RTL8B: variants seen among roughly 807,000 people sequenced by gnomAD.
RTL8B encodes the protein retrotransposon Gag-like protein 8B.
Under a neutral mutation model 4.4 loss-of-function variants are expected in RTL8B, and 5 were observed. The ratio of observed to expected loss-of-function variants is 1.13; its 90% CI spans 0.59 to 2.37. The LOEUF is 2.37. RTL8B is among the 30% of genes most tolerant of loss of function. The pLI is 0.01. For synonymous variants in RTL8B, 31 were observed against 44.2 expected (o/e 0.70, Z 1.19); for missense variants, 82 against 99.2 (o/e 0.83, Z 0.74).
chrX:135,021,764 G>T lies in RTL8B; in HGVS notation c.*354C>A. ...GTCTGGAAGTCTGGTGAGGAGGAGG[G>T]GGGTTGGCAGCGGCGGCTGTCAGTG... On this transcript the variant is annotated 3_prime_UTR_variant, in exon 1 of 1. Transcript: ENST00000391440. The T allele has an allele frequency of 9.5e-7, 1 of 1,057,459 alleles. No homozygotes were observed. Among genetic ancestry groups the T allele is most frequent in the South Asian group, 2.0e-5 (1 of 51,144 alleles). 87.1% of individuals were successfully genotyped at this position (1,057,459 alleles called of 1,213,427 possible).
In RTL8B at chrX:135,022,290, G is replaced by T. The variant is rs1326984817; in HGVS notation, c.170C>A (p.Thr57Lys). 8.3e-7 allele frequency: 1 copy of T among 1,210,641 alleles called. No individual in the cohort carries two copies. Among genetic ancestry groups the T allele is most frequent in the Admixed American group, 2.2e-5 (1 of 45,996 alleles). Residue 57 changes from threonine (T) to lysine (K), a missense_variant, in exon 1 of 1, where the codon ACG becomes AAG. By Grantham distance (78) the Thr-to-Lys change is moderately conservative (BLOSUM62 -1). Coordinates refer to ENST00000391440, the MANE Select transcript of RTL8B (RefSeq NM_001078173.2). ...CACCTTCAGGGCGTCGTTGGAGAAC[G>T]TGTTCTCGTCCACGAACATGTAGGA... ...TSSYMFVDEN[T>K]FSNDALKVTF...
rs2083263851 is a variant in RTL8B, at chrX:135,020,532, T to C, written c.*1586A>G. ...ACCAAATACAATGGTATTAAAGCAATTTAATGGTAAAATAAAATCAAAGTT... is the reference window on the plus strand; with the variant it reads ...ACCAAATACAATGGTATTAAAGCAACTTAATGGTAAAATAAAATCAAAGTT... On this transcript the variant is annotated 3_prime_UTR_variant, in exon 1 of 1. Coordinates refer to ENST00000391440, the MANE Select transcript of RTL8B (RefSeq NM_001078173.2). 1 of 111,889 alleles carries C rather than the reference T, an allele frequency of 8.9e-6. No individual in the cohort carries two copies. The highest frequency in any genetic ancestry group is 3.3e-5 in the African/African-American group (1 of 30,697). 9.2% of individuals were successfully genotyped at this position (111,889 alleles called of 1,213,427 possible).
Position 135,022,093 on chromosome X carries a change from T to C in RTL8B, c.*25A>G, listed in dbSNP as rs376963394. 434 of 1,209,275 alleles carry C rather than the reference T, an allele frequency of 3.6e-4. No individual in the cohort carries two copies. Among genetic ancestry groups the C allele is most frequent in the African/African-American group, 1.4e-3 (81 of 57,031 alleles). On this transcript the variant is annotated 3_prime_UTR_variant, in exon 1 of 1. Transcript: ENST00000391440. ...CAGCGGACCCTTCCCAGAGCACCGGTCCCCAGGCCCGAGGGTCTCCCGGCC... is the reference window on the plus strand; with the variant it reads ...CAGCGGACCCTTCCCAGAGCACCGGCCCCCAGGCCCGAGGGTCTCCCGGCC...
At position 135,021,878 on chromosome X, in the gene RTL8B, G is replaced by A. The variant is rs755318319; in HGVS notation, c.*240C>T. 2.6e-6 allele frequency: 3 copies of A among 1,153,547 alleles called. No homozygotes were observed. The South Asian group carries it at 5.8e-5, about 22-fold the overall frequency. The stretch of plus-strand genomic sequence containing the variant: ...TGCATGGGAGGGGCTGAGCTGGCAC[G>A]AGAGGGCGGAGGCAGCCCGCTCCAG... On this transcript the variant is annotated 3_prime_UTR_variant, in exon 1 of 1. Coordinates refer to ENST00000391440, the MANE Select transcript of RTL8B (RefSeq NM_001078173.2).
At position 135,022,539 on chromosome X, in the gene RTL8B, G is replaced by T; in HGVS notation, c.-80C>A. On this transcript the variant is annotated 5_prime_UTR_variant, in exon 1 of 1. Coordinates refer to ENST00000391440, the MANE Select transcript of RTL8B (RefSeq NM_001078173.2). ...GCTGCACCGAGGCGTAGCGGGAAGT[G>T]CATGTCGCGGGAGGAGAAGCCGGGA... 1 of 1,158,231 alleles carries T rather than the reference G, an allele frequency of 8.6e-7. No homozygotes were observed.
At position 135,022,521 on chromosome X, in the gene RTL8B, C is replaced by G. The variant is rs1416814104; in HGVS notation, c.-62G>C. Reference sequence around the variant, plus strand: ...CGCTGGGCTTCGCCGGGGGCTGCACCGAGGCGTAGCGGGAAGTGCATGTCG... The same window carrying G: ...CGCTGGGCTTCGCCGGGGGCTGCACGGAGGCGTAGCGGGAAGTGCATGTCG... On this transcript the variant is annotated 5_prime_UTR_variant, in exon 1 of 1. Transcript: ENST00000391440. The G allele has an allele frequency of 8.6e-6, 10 of 1,167,838 alleles. No homozygotes were observed. In the Admixed American group the frequency reaches 9.9e-5, roughly 12 times the overall value.
In RTL8B at chrX:135,020,688, A is replaced by G. The variant is rs948029786; in HGVS notation, c.*1430T>C. 8.9e-6 allele frequency: 1 copy of G among 112,121 alleles called. No individual in the cohort carries two copies. The highest frequency in any genetic ancestry group is 3.2e-5 in the African/African-American group (1 of 30,778). The allele number at this position is 112,121 out of a possible 1,213,427, so 9.2% of individuals were successfully genotyped here. A position where few individuals can be genotyped will look rare whatever the true frequency, so the allele number is the denominator to read the frequency against. ...ACCCAAGCTTATGAAATGTACCAGG[A>G]TCACATGTAATTGAATAAAATGATA... On this transcript the variant is annotated 3_prime_UTR_variant, in exon 1 of 1. Transcript: ENST00000391440.
chrX:135,021,956 G>C lies in RTL8B; in HGVS notation c.*162C>G. 3.5e-6 allele frequency: 4 copies of C among 1,156,530 alleles called. No individual in the cohort carries two copies. Among genetic ancestry groups the C allele is most frequent in the Non-Finnish European group, 4.6e-6 (4 of 868,166 alleles). The stretch of plus-strand genomic sequence containing the variant: ...CCTGGAGCGCTATTCCTGGAACAAA[G>C]GCAAGCACTACGCGGGAGGGGACAG... On this transcript the variant is annotated 3_prime_UTR_variant, in exon 1 of 1. Transcript: ENST00000391440.
In RTL8B at chrX:135,021,595, T is replaced by A; in HGVS notation, c.*523A>T. ...ACAGGTCCCTTGAGGGGCAGCCAGCTGTCTGGATCATTGTCCAGGGGCTGT... is the reference window on the plus strand; with the variant it reads ...ACAGGTCCCTTGAGGGGCAGCCAGCAGTCTGGATCATTGTCCAGGGGCTGT... On this transcript the variant is annotated 3_prime_UTR_variant, in exon 1 of 1. Transcript: ENST00000391440. 1 of 910,917 alleles carries A rather than the reference T, an allele frequency of 1.1e-6. No individual in the cohort carries two copies. 75.1% of individuals were successfully genotyped at this position (910,917 alleles called of 1,213,427 possible).
In RTL8B at chrX:135,021,615, G is replaced by T; in HGVS notation, c.*503C>A. ...CCAGCTGTCTGGATCATTGTCCAGGGGCTGTGTCCAGCCCAGATACCTCCG... is the reference window on the plus strand; with the variant it reads ...CCAGCTGTCTGGATCATTGTCCAGGTGCTGTGTCCAGCCCAGATACCTCCG... On this transcript the variant is annotated 3_prime_UTR_variant, in exon 1 of 1. Transcript: ENST00000391440. The T allele has an allele frequency of 1.1e-6, 1 of 952,183 alleles. No homozygotes were observed. Among genetic ancestry groups the T allele is most frequent in the Non-Finnish European group, 1.4e-6 (1 of 726,955 alleles). 78.5% of individuals were successfully genotyped at this position (952,183 alleles called of 1,213,427 possible). A position where few individuals can be genotyped will look rare whatever the true frequency, so the allele number is the denominator to read the frequency against.
Position 135,021,961 on chromosome X carries a change from G to A in RTL8B, c.*157C>T. 2 of 1,156,510 alleles carry A rather than the reference G, an allele frequency of 1.7e-6. No individual in the cohort carries two copies. The highest frequency in any genetic ancestry group is 2.3e-6 in the Non-Finnish European group (2 of 868,220). The stretch of plus-strand genomic sequence containing the variant: ...AGCGCTATTCCTGGAACAAAGGCAA[G>A]CACTACGCGGGAGGGGACAGGAGCG... On this transcript the variant is annotated 3_prime_UTR_variant, in exon 1 of 1. Coordinates refer to ENST00000391440, the MANE Select transcript of RTL8B (RefSeq NM_001078173.2).
At position 135,022,395 on chromosome X, in the gene RTL8B, CG is replaced by C; in HGVS notation, c.64del (p.Arg22AlafsTer42). On this transcript the variant is annotated frameshift_variant, in exon 1 of 1. Transcript: ENST00000391440. LOFTEE classifies it high-confidence loss of function. ...GGGAAAGGGAATCGGGTTCCTCCAG[CG>C]ACGCGCCGCGGGCCGGAGGGGCCGA... ...LARPLRPAAR[R>X]WRNPIPFPET... 8.2e-7 allele frequency: 1 copy of C among 1,212,153 alleles called. No individual in the cohort carries two copies. The highest frequency in any genetic ancestry group is 1.8e-5 in the South Asian group (1 of 56,998).
rs2083267236 is a variant in RTL8B at position 135,021,737 on chromosome X, T to C, written c.*381A>G. The C allele has an allele frequency of 9.7e-7, 1 of 1,027,894 alleles. No homozygotes were observed. The highest frequency in any genetic ancestry group is 2.9e-5 in the Admixed American group (1 of 34,192). The allele number at this position is 1,027,894 out of a possible 1,213,427, so 84.7% of individuals were successfully genotyped here. ...CAGGTCTGTGGGCAGCATGATGTAG[T>C]CGTCTGGAAGTCTGGTGAGGAGGAG... On this transcript the variant is annotated 3_prime_UTR_variant, in exon 1 of 1. Coordinates refer to ENST00000391440, the MANE Select transcript of RTL8B (RefSeq NM_001078173.2).
rs1176374309 is a variant in RTL8B, at chrX:135,021,780, GCTGTCAGTGGT to G, written c.*327_*337del. On this transcript the variant is annotated 3_prime_UTR_variant, in exon 1 of 1. Transcript: ENST00000391440. ...AGGAGGAGGGGGGTTGGCAGCGGCG[GCTGTCAGTGGT>G]CTGTCAGTGTGTAACAGGAGCTCAG... 1 of 1,074,845 alleles carries G rather than the reference GCTGTCAGTGGT, an allele frequency of 9.3e-7. No individual in the cohort carries two copies. Among genetic ancestry groups the G allele is most frequent in the Admixed American group, 2.8e-5 (1 of 35,854 alleles). 88.6% of individuals were successfully genotyped at this position (1,074,845 alleles called of 1,213,427 possible). A position where few individuals can be genotyped will look rare whatever the true frequency, so the allele number is the denominator to read the frequency against.
rs774376032 is a variant in RTL8B, at chrX:135,020,551, C to A, written c.*1567G>T. 9.0e-4 allele frequency: 101 copies of A among 111,750 alleles called. No homozygotes were observed. The highest frequency in any genetic ancestry group is 2.3e-4 in the Non-Finnish European group (12 of 53,150). 9.2% of individuals were successfully genotyped at this position (111,750 alleles called of 1,213,427 possible). ...AAGCAATTTAATGGTAAAATAAAATCAAAGTTCAGGCTACCTGGTAACTTG... is the reference window on the plus strand; with the variant it reads ...AAGCAATTTAATGGTAAAATAAAATAAAAGTTCAGGCTACCTGGTAACTTG... On this transcript the variant is annotated 3_prime_UTR_variant, in exon 1 of 1. Coordinates refer to ENST00000391440, the MANE Select transcript of RTL8B (RefSeq NM_001078173.2).
In RTL8B at chrX:135,022,237, G is replaced by A. The variant is rs753925844; in HGVS notation, c.223C>T (p.Pro75Ser). 2 of 1,212,226 alleles carry A rather than the reference G, an allele frequency of 1.6e-6. No homozygotes were observed. Among genetic ancestry groups the A allele is most frequent in the East Asian group, 5.9e-5 (2 of 33,838 alleles). ...VTFLITRLTG[P>S]ALQWVIPYIK... The stretch of plus-strand genomic sequence containing the variant: ...TAGGGGATCACCCACTGCAGGGCGG[G>A]CCCCGTGAGGCGGGTGATGAGGAAC... Residue 75 changes from proline to serine, a missense_variant, in exon 1 of 1, where the codon CCC (proline) becomes TCC (serine). Physicochemically the swap from Pro to Ser is moderately conservative, Grantham distance 74. Transcript: ENST00000391440.
rs984731133 is a variant in RTL8B at position 135,021,146 on chromosome X, A to G, written c.*972T>C. 6.1e-6 allele frequency: 1 copy of G among 163,048 alleles called. No individual in the cohort carries two copies. The highest frequency in any genetic ancestry group is 3.1e-5 in the African/African-American group (1 of 32,271). 13.4% of individuals were successfully genotyped at this position (163,048 alleles called of 1,213,427 possible). A position where few individuals can be genotyped will look rare whatever the true frequency, so the allele number is the denominator to read the frequency against. The stretch of plus-strand genomic sequence containing the variant: ...GGGACACTATCCCCCAGGTTACCAC[A>G]GGACTCTATCTTAGATGTTTTATAA... On this transcript the variant is annotated 3_prime_UTR_variant, in exon 1 of 1. Coordinates refer to ENST00000391440, the MANE Select transcript of RTL8B (RefSeq NM_001078173.2).
rs1005805929 is a variant in RTL8B at position 135,021,677 on chromosome X, G to A, written c.*441C>T. 1 of 995,869 alleles carries A rather than the reference G, an allele frequency of 1.0e-6. No individual in the cohort carries two copies. Among genetic ancestry groups the A allele is most frequent in the Non-Finnish European group, 1.3e-6 (1 of 764,262 alleles). 82.1% of individuals were successfully genotyped at this position (995,869 alleles called of 1,213,427 possible). A position where few individuals can be genotyped will look rare whatever the true frequency, so the allele number is the denominator to read the frequency against. On this transcript the variant is annotated 3_prime_UTR_variant, in exon 1 of 1. Transcript: ENST00000391440. Reference sequence around the variant, plus strand: ...GATCACTAGAAGCAGCAGTCTGTCGGTGGAATGCGATGGATGGCGATGGCA... The same window carrying A: ...GATCACTAGAAGCAGCAGTCTGTCGATGGAATGCGATGGATGGCGATGGCA...
rs2083266091 is a variant in RTL8B at position 135,021,424 on chromosome X, A to T, written c.*694T>A. ...GAAAATGCTGCAAATTCAGAAGAGA[A>T]ATGGATTCTGGGCAAAACTAACTGG... On this transcript the variant is annotated 3_prime_UTR_variant, in exon 1 of 1. Coordinates refer to ENST00000391440, the MANE Select transcript of RTL8B (RefSeq NM_001078173.2). 7.3e-6 allele frequency: 2 copies of T among 273,757 alleles called. No individual in the cohort carries two copies. The highest frequency in any genetic ancestry group is 7.0e-5 in the South Asian group (2 of 28,747). The allele number at this position is 273,757 out of a possible 1,213,427, so 22.6% of individuals were successfully genotyped here. A position where few individuals can be genotyped will look rare whatever the true frequency, so the allele number is the denominator to read the frequency against.
Sources: allele counts gnomAD v4.1 joint callset, GRCh38; gene constraint gnomAD v4.1.1; transcripts MANE v1.5; gene names NCBI Gene and HGNC (gene_info 2026-07-23, HGNC 2026-07-21).